The following RDX variants were observed in gnomAD, a reference collection of about 807,000 sequenced individuals.
RDX encodes radixin, also known as deafness, autosomal recessive 24.
In RDX, 32 loss-of-function variants were observed where a neutral mutation model predicts 83.7. The ratio of observed to expected loss-of-function variants is 0.38; its 90% CI spans 0.29 to 0.51. RDX has a LOEUF of 0.51. Among genes scored for constraint, RDX ranks in the 20% least tolerant of loss-of-function variants. RDX has a pLI of 0.87. For synonymous variants in RDX, 229 were observed against 222.7 expected, an observed-to-expected ratio of 1.03 and a Z score of -0.25; for missense variants, 600 against 689.9, an observed-to-expected ratio of 0.87 and a Z score of 1.46.
intron 10 of RDX, 62 bp from the exon 11 acceptor site, chr11:110,237,714 A>C (rs1327753413): frequency 1.9e-6 from 3 of 1,557,292 alleles, no homozygotes; most frequent in East Asian, 2.2e-5. Context: ...TTATCAAAAG[A>C]AGCTAAAATA....
At chr11:110,243,733 AC>A (rs1235347940) in intron 10 of RDX, among the ~76,000 whole-genome samples, 6 of 152,254 alleles carry the variant, frequency 3.9e-5, no homozygotes, top group African/African-American at 1.4e-4. Flanking sequence ...AAAAAAAAAT[AC>A]ATGCAATATA....
In RDX at chr11:110,253,782, A is replaced by G. The variant is rs906662385; in HGVS notation, c.959+164T>C. On this transcript the variant is annotated intron_variant, in intron 9 of 13. Transcript: ENST00000645495. ...CAAAGATTTCTAACTTGAAAATTAT[A>G]CATACTCGTTTTAAAGGACAGAGTG... The G allele has an allele frequency of 1.4e-5, 9 of 660,232 alleles. No individual in the cohort carries two copies. The East Asian group carries it at 2.5e-4, about 19-fold the overall frequency. The allele number at this position is 660,232 out of a possible 1,614,324, so 40.9% of individuals were successfully genotyped here. A position where few individuals can be genotyped will look rare whatever the true frequency, so the allele number is the denominator to read the frequency against.
chr11:110,255,379 T>A lies in RDX; in HGVS notation c.705A>T (p.Thr235=), dbSNP rs1311296331. The stretch of plus-strand genomic sequence containing the variant: ...CACTCCAGGGAAAACCAATTTTAGG[T>A]GTTAACCTTAAAAAATGAAAGCATC... ...LNIYEHDDKL[T]PKIGFPWSEI... is the part of the protein sequence containing the mutation. The change falls in exon 8 of 14, where the codon ACA becomes ACT. Residue 235 remains threonine, a synonymous_variant. Transcript: ENST00000645495. 1 of 1,516,734 alleles carries A rather than the reference T, an allele frequency of 6.6e-7. No individual in the cohort carries two copies. Among genetic ancestry groups the A allele is most frequent in the Admixed American group, 1.7e-5 (1 of 59,766 alleles). The allele number at this position is 1,516,734 out of a possible 1,614,324, so 94.0% of individuals were successfully genotyped here. A position where few individuals can be genotyped will look rare whatever the true frequency, so the allele number is the denominator to read the frequency against.
At chr11:110,273,949 T>C (rs1860403317) in intron 2 of RDX, among the ~76,000 whole-genome samples, 1 of 152,228 alleles carries the variant, frequency 6.6e-6, no homozygotes. Flanking sequence ...CCTGTAGGTT[T>C]ACTGAGGACA....
At chr11:110,285,580 G>C (rs1255719939) in intron 1 of RDX, among the ~76,000 whole-genome samples, 2 of 151,816 alleles carry the variant, frequency 1.3e-5, no homozygotes, top group Non-Finnish European at 2.9e-5. Flanking sequence ...AAACATGATG[G>C]CACATGCCTG....
downstream of RDX, among the ~76,000 whole-genome samples, chr11:110,224,673 G>A (rs1017385203): frequency 6.6e-6 from 1 of 152,202 alleles, no homozygotes; most frequent in African/African-American, 2.4e-5. Flanking sequence ...GCTTTTAAGT[G>A]TCTCAAAAGA....
rs146795038 is a variant in RDX at position 110,178,190 on chromosome 11, C to T, written c.*32-2956G>A. Among the ~76,000 whole-genome samples, 12 of 152,304 alleles carry T rather than the reference C, an allele frequency of 7.9e-5. No homozygotes were observed. In the East Asian group the frequency reaches 1.7e-3, roughly 22 times the overall value. ...AGCAAAGACAAAATCCACAGCTCCACGTAAATGTCACCCTCCACCTGCAGC... is the reference window on the plus strand; with the variant it reads ...AGCAAAGACAAAATCCACAGCTCCATGTAAATGTCACCCTCCACCTGCAGC... On this transcript the variant is annotated intron_variant, in intron 15 of 15. Transcript: ENST00000528498.
chr11:110,268,984 T>C (rs1278488226), intron 3 of RDX, among the ~76,000 whole-genome samples: 1 of 149,112 alleles, frequency 6.7e-6, no homozygotes, highest in Admixed American at 6.7e-5. Context: ...TATATATATT[T>C]TTTTAATTAA....
chr11:110,270,972 C>T (rs1258123362), intron 3 of RDX, among the ~76,000 whole-genome samples: 2 of 151,852 alleles, frequency 1.3e-5, no homozygotes, highest in Non-Finnish European at 2.9e-5. Context: ...AAACAGGAGG[C>T]ACAGAAGAAT....
At chr11:110,221,518 A>C (rs947969958) in intron 14 of RDX, among the ~76,000 whole-genome samples, 3 of 151,460 alleles carry the variant, frequency 2.0e-5, no homozygotes, top group African/African-American at 7.3e-5. Flanking sequence ...GGATCGCTTG[A>C]ACCCAGGAGG....
intron 5 of RDX, among the ~76,000 whole-genome samples, chr11:110,258,658 T>C (rs557326608): frequency 8.0e-4 from 121 of 150,834 alleles, no homozygotes; most frequent in African/African-American, 2.8e-3. Context: ...TCATTGTTAA[T>C]AGATAAAGAC....
intron 10 of RDX, among the ~76,000 whole-genome samples, chr11:110,238,375 AT>A (rs1161714862): frequency 6.6e-6 from 1 of 152,108 alleles, no homozygotes; most frequent in Non-Finnish European, 1.5e-5. Context: ...AGGAAAATAA[AT>A]TTTTAAGAGA....
chr11:110,198,742 G>C (rs1408409311), intron 15 of RDX, among the ~76,000 whole-genome samples: 1 of 151,762 alleles, frequency 6.6e-6, no homozygotes, highest in East Asian at 1.9e-4. Context: ...ACCAGTCCTT[G>C]GTGCAAAAAG....
intron 15 of RDX, among the ~76,000 whole-genome samples, chr11:110,191,544 G>C (rs953907854): frequency 6.6e-6 from 1 of 152,210 alleles, no homozygotes; most frequent in Non-Finnish European, 1.5e-5. Flanking sequence ...ATTCAGCATA[G>C]TACTTGAAAC....
At chr11:110,180,636 C>A (rs956653743) in intron 15 of RDX, among the ~76,000 whole-genome samples, 3 of 150,144 alleles carry the variant, frequency 2.0e-5, no homozygotes, top group African/African-American at 7.4e-5. Flanking sequence ...AGTCTGTGTG[C>A]ATGCTCCTAT....
At chr11:110,272,648 T>G (rs1860352292) in intron 2 of RDX, 29 bp from the exon 3 acceptor site, 1 of 1,480,262 alleles carries the variant, frequency 6.8e-7, no homozygotes, top group African/African-American at 1.4e-5. Context: ...GAATAATAAG[T>G]AGAAGAGAAG....
At chr11:110,279,900 C>A in intron 1 of RDX, 144 bp from the exon 2 acceptor site, 1 of 518,856 alleles carries the variant, frequency 1.9e-6, no homozygotes. Flanking sequence ...TTTTCAATAT[C>A]TTCTACTAGC....
intron 14 of RDX, among the ~76,000 whole-genome samples, chr11:110,208,538 G>T (rs545003256): frequency 1.3e-5 from 2 of 152,088 alleles, no homozygotes; most frequent in East Asian, 3.9e-4. Context: ...ACACCTATTG[G>T]GTGGCTTAAA....
chr11:110,279,780 T>G, intron 1 of RDX, 24 bp from the exon 2 acceptor site: 1 of 790,524 alleles, frequency 1.3e-6, no homozygotes, highest in Non-Finnish European at 2.1e-6. Flanking sequence ...AAAAGCATAA[T>G]CTATTATCTT....
Sources: gnomAD v4.1 joint callset for allele counts (sites outside exome capture counted in the v4.1 genomes callset) on GRCh38, gnomAD v4.1.1 for gene constraint, MANE v1.5 for transcripts, NCBI Gene and HGNC (gene_info 2026-07-23, HGNC 2026-07-21) for gene names.